Variants in HS2ST1 observed in about 807,000 individuals in gnomAD.
The protein encoded by HS2ST1 is heparan sulfate 2-O-sulfotransferase 1, also known as 2-O-sulfotransferase.
Under a neutral mutation model 42.9 loss-of-function variants are expected in HS2ST1, and 18 were observed. That is an observed-to-expected ratio of 0.42 (90% CI 0.29 to 0.62). The LOEUF (loss-of-function observed/expected upper bound fraction) is 0.62. HS2ST1 is among the 20% of genes least tolerant of loss of function. The pLI is 0.21. For synonymous variants in HS2ST1, 146 were observed against 152.9 expected, an observed-to-expected ratio of 0.95 and a Z score of 0.33; for missense variants, 334 against 433.8, an observed-to-expected ratio of 0.77 and a Z score of 2.04.
At position 86,914,997 on chromosome 1, in the gene HS2ST1, CG is replaced by C; in HGVS notation, c.-39del. 1.2e-6 allele frequency: 2 copies of C among 1,612,362 alleles called. No homozygotes were observed. The highest frequency in any genetic ancestry group is 2.2e-5 in the South Asian group (2 of 91,012). ...CTCTCGCCTCCGGGGTCCCGCTCCC[CG>C]CCCCCCGCGGTATGTCTTGATCCCG... is the stretch of plus-strand genomic sequence containing the variant. On this transcript the variant is annotated 5_prime_UTR_variant, in exon 1 of 7. Transcript: ENST00000370550.
intron 1 of HS2ST1, among the ~76,000 whole-genome samples, chr1:86,944,223 A>G (rs969172337): frequency 6.6e-6 from 1 of 152,212 alleles, no homozygotes; most frequent in Non-Finnish European, 1.5e-5. Context: ...ACAGTTTTGA[A>G]GACAGGGAAC....
chr1:86,980,329 AG>A (rs1470962975), intron 1 of HS2ST1, among the ~76,000 whole-genome samples: 2 of 152,244 alleles, frequency 1.3e-5, no homozygotes, highest in African/African-American at 4.8e-5. Context: ...TACAATATTC[AG>A]TGAAAATAGT....
intron 2 of HS2ST1, among the ~76,000 whole-genome samples, chr1:87,077,638 A>T (rs1651579088): frequency 6.6e-6 from 1 of 152,182 alleles, no homozygotes. Context: ...CCTCTATTAT[A>T]AGATCTTTAA....
Position 86,960,227 on chromosome 1 carries a change from C to CAA in HS2ST1, c.124+45083_124+45084dup, listed in dbSNP as rs145286319. ...GATATCTCATTCCCCTCCACGCCAC[C>CAA]AAAAAAAAAAAAAAAAAGAATCTTG... On this transcript the variant is annotated intron_variant, in intron 1 of 6. Coordinates refer to ENST00000370550, the MANE Select transcript of HS2ST1 (RefSeq NM_012262.4). Among the ~76,000 whole-genome samples, 703 of 131,374 alleles carry CAA rather than the reference C, an allele frequency of 5.4e-3. 13 individuals are homozygous for CAA. The highest frequency in any genetic ancestry group is 0.023 in the East Asian group (108 of 4,658). 86.2% of individuals were successfully genotyped at this position (131,374 alleles called of 152,430 possible).
intron 1 of HS2ST1, among the ~76,000 whole-genome samples, chr1:86,977,546 T>C (rs1648455581): frequency 6.6e-6 from 1 of 152,234 alleles, no homozygotes; most frequent in South Asian, 2.1e-4. Context: ...GAGACAAAAT[T>C]ATGATTTCTT....
At chr1:86,960,625 C>A (rs1008508697) in intron 1 of HS2ST1, among the ~76,000 whole-genome samples, 1 of 152,162 alleles carries the variant, frequency 6.6e-6, no homozygotes, top group African/African-American at 2.4e-5. Context: ...ACAAAAAAAT[C>A]TGAACCTCCT....
At chr1:86,968,756 T>A (rs563796725) in intron 1 of HS2ST1, among the ~76,000 whole-genome samples, 25 of 152,282 alleles carry the variant, frequency 1.6e-4, no homozygotes, top group African/African-American at 6.0e-4. Flanking sequence ...GTAGACGGTT[T>A]AAACGTCTTT....
intron 1 of HS2ST1, among the ~76,000 whole-genome samples, chr1:86,951,619 A>G (rs1017900406): frequency 1.3e-5 from 2 of 152,362 alleles, no homozygotes; most frequent in Admixed American, 1.3e-4. Context: ...GTTGATTTAA[A>G]TGACTGCTGA....
intron 1 of HS2ST1, among the ~76,000 whole-genome samples, chr1:87,057,108 A>T (rs1009900162): frequency 6.6e-6 from 1 of 152,238 alleles, no homozygotes; most frequent in Non-Finnish European, 1.5e-5. Context: ...ATTTGCAAAA[A>T]TATGTTACAC....
In HS2ST1 at chr1:86,938,747, A is replaced by C. The variant is rs1160006276; in HGVS notation, c.124+23587A>C. ...GATTAAGTTTTTCACAGTCTCAGAA[A>C]ATAAGGAGTTTCAAATAATAATGTG... On this transcript the variant is annotated intron_variant, in intron 1 of 6. Coordinates refer to ENST00000370550, the MANE Select transcript of HS2ST1 (RefSeq NM_012262.4). Among the ~76,000 whole-genome samples, 5 of 152,192 alleles carry C rather than the reference A, an allele frequency of 3.3e-5. No individual in the cohort carries two copies. The East Asian group carries it at 9.6e-4, about 29-fold the overall frequency.
chr1:86,962,870 A>G (rs1647889254), intron 1 of HS2ST1, among the ~76,000 whole-genome samples: 2 of 152,220 alleles, frequency 1.3e-5, no homozygotes, highest in Admixed American at 6.5e-5. Flanking sequence ...GAAGTCATAT[A>G]TCCATTGCCT....
At chr1:86,970,082 G>A (rs1477707694) in intron 1 of HS2ST1, among the ~76,000 whole-genome samples, 4 of 148,998 alleles carry the variant, frequency 2.7e-5, no homozygotes, top group Non-Finnish European at 4.4e-5. Flanking sequence ...TCAAGATCGC[G>A]CCATTGCACT....
chr1:86,916,326 C>T (rs1199940796), intron 1 of HS2ST1, among the ~76,000 whole-genome samples: 2 of 151,550 alleles, frequency 1.3e-5, no homozygotes, highest in Admixed American at 1.3e-4. Flanking sequence ...CCAGCAAAAA[C>T]AAAAACAAAA....
chr1:87,049,936 A>G (rs1650791412), intron 1 of HS2ST1, among the ~76,000 whole-genome samples: 1 of 152,052 alleles, frequency 6.6e-6, no homozygotes, highest in Non-Finnish European at 1.5e-5. Flanking sequence ...TTATAAAGGT[A>G]CAAAATTGTT....
intron 5 of HS2ST1, among the ~76,000 whole-genome samples, chr1:87,101,283 A>G (rs1450210013): frequency 1.3e-5 from 2 of 148,644 alleles, no homozygotes; most frequent in African/African-American, 5.0e-5. Flanking sequence ...CTCCTGCCTC[A>G]GCCTCCTGAG....
chr1:86,986,043 T>C (rs1648775890), intron 1 of HS2ST1, among the ~76,000 whole-genome samples: 1 of 150,336 alleles, frequency 6.7e-6, no homozygotes, highest in African/African-American at 2.5e-5. Context: ...TGGCCTCTTT[T>C]TTTTTTTTTT....
Position 86,953,374 on chromosome 1 carries a change from C to G in HS2ST1, c.124+38214C>G, listed in dbSNP as rs1306739496. 2.6e-5 allele frequency among the ~76,000 whole-genome samples: 4 copies of G among 152,204 alleles called. No homozygotes were observed. In the East Asian group the frequency reaches 5.8e-4, roughly 22 times the overall value. The stretch of plus-strand genomic sequence containing the variant: ...CTGGAGTGGCACTTTTAATTTCCTT[C>G]AAGAACTCTTCCTTTGCATTCTCAA... On this transcript the variant is annotated intron_variant, in intron 1 of 6. Transcript: ENST00000370550.
chr1:86,952,035 G>A (rs1292967369), intron 1 of HS2ST1, among the ~76,000 whole-genome samples: 2 of 152,138 alleles, frequency 1.3e-5, no homozygotes, highest in South Asian at 2.1e-4. Flanking sequence ...CTCCATTGGA[G>A]TCTTGAACCC....
chr1:87,027,667 T>C (rs1412665523), intron 1 of HS2ST1, among the ~76,000 whole-genome samples: 1 of 152,194 alleles, frequency 6.6e-6, no homozygotes, highest in Non-Finnish European at 1.5e-5. Flanking sequence ...AAAAGGCTTT[T>C]ATATTTATCA....
Sources: gnomAD v4.1 joint callset for allele counts (sites outside exome capture counted in the v4.1 genomes callset) on GRCh38, gnomAD v4.1.1 for gene constraint, MANE v1.5 for transcripts, NCBI Gene and HGNC (gene_info 2026-07-23, HGNC 2026-07-21) for gene names.